The following PHF7 variants were observed in gnomAD, a reference collection of about 807,000 sequenced individuals.
The protein encoded by PHF7 is E3 ubiquitin-protein ligase PHF7.
Under a neutral mutation model 47.5 loss-of-function variants are expected in PHF7, and 24 were observed. The ratio of observed to expected loss-of-function variants is 0.51; its 90% CI spans 0.37 to 0.71. The LOEUF is 0.71. PHF7 is among the 30% of genes least tolerant of loss of function. The pLI is 0.00. For missense variants in PHF7, 361 were observed against 456.8 expected, an observed-to-expected ratio of 0.79 and a Z score of 1.91; for synonymous variants, 156 against 153.8, an observed-to-expected ratio of 1.01 and a Z score of -0.11.
chr3:52,421,854 A>G, intron 8 of PHF7, 100 bp downstream of exon 8: 1 of 694,900 alleles, frequency 1.4e-6, no homozygotes, highest in Non-Finnish European at 2.6e-6. Context: ...TGAGAGCAGC[A>G]GAGGCACTGA....
rs938894296 is a variant in PHF7 at position 52,410,873 on chromosome 3, G to A, written c.-444G>A. On this transcript the variant is annotated 5_prime_UTR_variant, in exon 1 of 11. Coordinates refer to ENST00000327906, the MANE Select transcript of PHF7 (RefSeq NM_016483.7). ...TGGCCGCCCGGCAGGCGCGACATGA[G>A]CCTGGTCTGGCATCCGCGGGATGCT... 6.6e-6 allele frequency: 1 copy of A among 152,326 alleles called. No individual in the cohort carries two copies. Among genetic ancestry groups the A allele is most frequent in the Non-Finnish European group, 1.5e-5 (1 of 68,090 alleles). 9.4% of individuals were successfully genotyped at this position (152,326 alleles called of 1,614,324 possible).
intron 9 of PHF7, 49 bp from the exon 10 acceptor site, chr3:52,422,711 A>G: frequency 3.7e-6 from 6 of 1,606,168 alleles, no homozygotes; most frequent in Non-Finnish European, 5.1e-6. Context: ...CAAGCATGGC[A>G]GTTGGTGTTC....
chr3:52,420,018 C>A, intron 5 of PHF7, 84 bp downstream of exon 5: 1 of 852,220 alleles, frequency 1.2e-6, no homozygotes, highest in Non-Finnish European at 1.9e-6. Flanking sequence ...CTCTTCCCTA[C>A]TTCCTAGTTT....
rs1360531624 is a variant in PHF7 at position 52,420,445 on chromosome 3, G to A, written c.413+10G>A. ...TTTTTGGAGAGTACAAGTGAGTGAG[G>A]GAAGGGAAAAGTCTGGCTTCCTTTT... On this transcript the variant is annotated intron_variant, in intron 6 of 10. Transcript: ENST00000327906. 10 of 1,613,574 alleles carry A rather than the reference G, an allele frequency of 6.2e-6. No homozygotes were observed. Among genetic ancestry groups the A allele is most frequent in the Non-Finnish European group, 7.6e-6 (9 of 1,179,778 alleles).
intron 4 of PHF7, 75 bp from the exon 5 acceptor site, chr3:52,419,758 C>T: frequency 1.2e-6 from 1 of 855,188 alleles, no homozygotes; most frequent in Non-Finnish European, 2.0e-6. Context: ...CTCTCTTACC[C>T]TGTCCTTCTC....
At chr3:52,418,756 C>G (rs533424928) in intron 4 of PHF7, among the ~76,000 whole-genome samples, 1 of 152,102 alleles carries the variant, frequency 6.6e-6, no homozygotes, top group African/African-American at 2.4e-5. Flanking sequence ...CACTGCACCT[C>G]AGCGGCCTCC....
chr3:52,415,365 T>TTTGTA (rs925702368), intron 4 of PHF7, among the ~76,000 whole-genome samples: 3 of 152,168 alleles, frequency 2.0e-5, no homozygotes, highest in African/African-American at 7.2e-5. Context: ...CCTGGCTAAT[T>TTTGTA]TTGTATTTTT....
In PHF7 at chr3:52,422,293, C is replaced by T; in HGVS notation, c.752C>T (p.Pro251Leu). The T allele has an allele frequency of 1.9e-6, 3 of 1,613,988 alleles. No individual in the cohort carries two copies. The highest frequency in any genetic ancestry group is 2.5e-6 in the Non-Finnish European group (3 of 1,179,822). ...CAGCGCTATCAGCACTGTGATGCCC[C>T]CATCTGTCTGTATGAACAAGGCAGA... ...LYQRYQHCDA[P>L]ICLYEQGRDS... is the part of the protein sequence containing the mutation. The change falls in exon 9 of 11, where the codon CCC (proline) becomes CTC (leucine). Residue 251 changes from proline to leucine, a missense_variant. Physicochemically the swap from Pro to Leu is moderately conservative, Grantham distance 98 (BLOSUM62 -3). Coordinates refer to ENST00000327906, the MANE Select transcript of PHF7 (RefSeq NM_016483.7).
chr3:52,420,419 T>C lies in PHF7; in HGVS notation c.397T>C (p.Phe133Leu). The C allele has an allele frequency of 6.2e-7, 1 of 1,614,066 alleles. No homozygotes were observed. Among genetic ancestry groups the C allele is most frequent in the Non-Finnish European group, 8.5e-7 (1 of 1,179,924 alleles). ...CCAAGAAAGGGGTTGCCTTTCACAA[T>C]TTTTTGGAGAGTACAAGTGAGTGAG... is the stretch of plus-strand genomic sequence containing the variant. Reference protein sequence around the residue: ...CGQERGCLSQFFGEYKSFCDK... With the variant: ...CGQERGCLSQLFGEYKSFCDK... The change falls in exon 6 of 11, where the codon TTT (phenylalanine) becomes CTT (leucine). Residue 133 changes from phenylalanine (F) to leucine (L), a missense_variant. Transcript: ENST00000327906.
intron 2 of PHF7, 98 bp downstream of exon 2, chr3:52,413,018 A>C: frequency 1.1e-6 from 1 of 892,976 alleles, no homozygotes; most frequent in Non-Finnish European, 1.8e-6. Context: ...TTGGGGGTTG[A>C]GGTTGGACAG....
chr3:52,413,036 G>A, intron 2 of PHF7, 116 bp downstream of exon 2: 1 of 775,066 alleles, frequency 1.3e-6, no homozygotes, highest in Non-Finnish European at 2.2e-6. Flanking sequence ...CAGTGTGGAA[G>A]CACACACGGA....
At position 52,414,500 on chromosome 3, in the gene PHF7, C is replaced by G; in HGVS notation, c.99C>G (p.Cys33Trp). The G allele has an allele frequency of 6.2e-7, 1 of 1,604,408 alleles. No homozygotes were observed. Among genetic ancestry groups the G allele is most frequent in the Non-Finnish European group, 8.5e-7 (1 of 1,172,502 alleles). ...TQRKPSSGPV[C>W]WLCLREPGDP... ...TCTGGGTGTCCTCTCTTCCAGTTTG[C>G]TGGCTATGCCTTCGAGAACCTGGGG... The change falls in exon 4 of 11, where the codon TGC becomes TGG. Residue 33 changes from cysteine to tryptophan, a missense_variant. Transcript: ENST00000327906.
chr3:52,413,555 C>G (rs754789548), intron 2 of PHF7, among the ~76,000 whole-genome samples: 1 of 152,180 alleles, frequency 6.6e-6, no homozygotes, highest in South Asian at 2.1e-4. Context: ...TGAAATATGG[C>G]CAGGTGCAGT....
chr3:52,422,356 G>A lies in PHF7; in HGVS notation c.797+18G>A. 6.9e-7 allele frequency: 1 copy of A among 1,444,310 alleles called. No individual in the cohort carries two copies. The highest frequency in any genetic ancestry group is 9.8e-7 in the Non-Finnish European group (1 of 1,024,892). The allele number at this position is 1,444,310 out of a possible 1,614,324, so 89.5% of individuals were successfully genotyped here. A position where few individuals can be genotyped will look rare whatever the true frequency, so the allele number is the denominator to read the frequency against. ...GATGAAGGGTAGGGGAAGGCTTCTG[G>A]CTAGAAAGAGCTCTCATCAGTGCTA... is the stretch of plus-strand genomic sequence containing the variant. On this transcript the variant is annotated intron_variant, in intron 9 of 10. Coordinates refer to ENST00000327906, the MANE Select transcript of PHF7 (RefSeq NM_016483.7).
In PHF7 at chr3:52,410,894, A is replaced by T. The variant is rs1389484829; in HGVS notation, c.-423A>T. On this transcript the variant is annotated 5_prime_UTR_variant, in exon 1 of 11. An upstream start codon of the reference 5' UTR is lost. Transcript: ENST00000327906. ...ATGAGCCTGGTCTGGCATCCGCGGG[A>T]TGCTCCTTAAGCCCCTTCTCCGGCT... is the stretch of plus-strand genomic sequence containing the variant. The T allele has an allele frequency of 1.3e-5, 2 of 152,258 alleles. No individual in the cohort carries two copies. The highest frequency in any genetic ancestry group is 4.8e-5 in the African/African-American group (2 of 41,462). The allele number at this position is 152,258 out of a possible 1,614,324, so 9.4% of individuals were successfully genotyped here.
intron 4 of PHF7, among the ~76,000 whole-genome samples, chr3:52,416,219 T>C (rs1427976270): frequency 6.7e-6 from 1 of 150,052 alleles, no homozygotes; most frequent in Non-Finnish European, 1.5e-5. Flanking sequence ...GGAGTCTCGC[T>C]CTGTCGCCCA....
At chr3:52,412,121 T>C (rs2153228862) in intron 1 of PHF7, among the ~76,000 whole-genome samples, 1 of 151,602 alleles carries the variant, frequency 6.6e-6, no homozygotes, top group Middle Eastern at 3.4e-3. Context: ...GTCAGGAAGA[T>C]CATCTGAGCC....
intron 9 of PHF7, 58 bp from the exon 10 acceptor site, chr3:52,422,702 A>G: frequency 6.2e-7 from 1 of 1,601,514 alleles, no homozygotes; most frequent in Non-Finnish European, 8.6e-7. Flanking sequence ...GCAAACATCC[A>G]AGCATGGCAG....
chr3:52,418,390 T>C (rs892047864), intron 4 of PHF7, among the ~76,000 whole-genome samples: 9 of 152,262 alleles, frequency 5.9e-5, no homozygotes, highest in African/African-American at 1.2e-4. Flanking sequence ...CATATAGATA[T>C]AGTTTTTTCT....
Sources: gnomAD v4.1 joint callset for allele counts (sites outside exome capture counted in the v4.1 genomes callset) on GRCh38, gnomAD v4.1.1 for gene constraint, MANE v1.5 for transcripts, NCBI Gene and HGNC (gene_info 2026-07-23, HGNC 2026-07-21) for gene names.